GRAMD4: variants seen among roughly 807,000 people sequenced by gnomAD.
GRAMD4 encodes GRAM domain containing 4, also known as GRAM domain-containing protein 4.
Under a neutral mutation model 83.9 loss-of-function variants are expected in GRAMD4, and 25 were observed. The ratio of observed to expected loss-of-function variants is 0.30; its 90% CI spans 0.22 to 0.42. The LOEUF (loss-of-function observed/expected upper bound fraction) is 0.42. Ranked by LOEUF, GRAMD4 falls within the 10% of genes least tolerant of loss-of-function variation. The probability of loss-of-function intolerance (pLI) is 1.00; values close to 1 mark genes in which losing one functional copy is unlikely to be tolerated. For synonymous variants in GRAMD4, 336 were observed against 320.9 expected (o/e 1.05, Z -0.50); for missense variants, 593 against 788.7 (o/e 0.75, Z 2.97).
intron 1 of GRAMD4, among the ~76,000 whole-genome samples, chr22:46,586,074 G>C (rs2081146921): frequency 1.3e-5 from 2 of 151,990 alleles, no homozygotes; most frequent in African/African-American, 4.8e-5. Flanking sequence ...TGTGTCTAAG[G>C]AAGCAGGTGG....
chr22:46,632,941 G>T (rs780148487), intron 2 of GRAMD4, among the ~76,000 whole-genome samples: 4 of 152,210 alleles, frequency 2.6e-5, no homozygotes, highest in Non-Finnish European at 5.9e-5. Context: ...CAGGCCTCTG[G>T]CCCCTTGCCA....
downstream of GRAMD4, among the ~76,000 whole-genome samples, chr22:46,680,733 T>TCCAC (rs2082663097): frequency 3.9e-5 from 3 of 77,266 alleles, no homozygotes; most frequent in African/African-American, 5.6e-5. Flanking sequence ...CACCCATCCA[T>TCCAC]CCACCCACCC....
chr22:46,602,466 C>T (rs965528100), intron 1 of GRAMD4, among the ~76,000 whole-genome samples: 1 of 152,134 alleles, frequency 6.6e-6, no homozygotes, highest in Admixed American at 6.5e-5. Context: ...AGTTCGGGAC[C>T]AGCCTGGGTA....
At chr22:46,658,942 C>T (rs895974427) in intron 4 of GRAMD4, among the ~76,000 whole-genome samples, 1 of 152,112 alleles carries the variant, frequency 6.6e-6, no homozygotes, top group Non-Finnish European at 1.5e-5. Context: ...TCACAGTCTC[C>T]TCCCTCACCC....
intron 1 of GRAMD4, among the ~76,000 whole-genome samples, chr22:46,592,697 C>T (rs970813095): frequency 2.0e-5 from 3 of 152,174 alleles, no homozygotes; most frequent in African/African-American, 7.2e-5. Flanking sequence ...GTGACCAGCT[C>T]TGCAAGGGGC....
Position 46,672,882 on chromosome 22 carries a change from T to C in GRAMD4, c.1124T>C (p.Ile375Thr). 1.2e-6 allele frequency: 2 copies of C among 1,612,888 alleles called. No individual in the cohort carries two copies. The highest frequency in any genetic ancestry group is 1.7e-6 in the Non-Finnish European group (2 of 1,179,670). Reference sequence around the variant, plus strand: ...ATCAAGTTCTTCCTCATTGATTTCATCTTTAAACGCTGCCCGAGGCTGCGC... The same window carrying C: ...ATCAAGTTCTTCCTCATTGATTTCACCTTTAAACGCTGCCCGAGGCTGCGC... ...AGIKFFLIDF[I>T]FKRCPRLRAK... The change falls in exon 14 of 19, where the codon ATC (isoleucine) becomes ACC (threonine). Residue 375 changes from isoleucine to threonine, a missense_variant. Coordinates refer to ENST00000406902, the MANE Select transcript of GRAMD4 (RefSeq NM_015124.5). This position sits in a 1 kb window ranked among gnomAD's most constrained non-coding sequence, Gnocchi z 4.7.
At chr22:46,671,667 A>G (rs1165964394) in intron 13 of GRAMD4, among the ~76,000 whole-genome samples, 1 of 9,068 alleles carries the variant, frequency 1.1e-4, no homozygotes, top group East Asian at 5.3e-4. Context: ...AAAATAAAAT[A>G]AAATAAAATA....
chr22:46,671,529 G>A lies in GRAMD4; in HGVS notation c.1085-1314G>A, dbSNP rs185966087. On this transcript the variant is annotated intron_variant, in intron 13 of 18. Coordinates refer to ENST00000406902, the MANE Select transcript of GRAMD4 (RefSeq NM_015124.5). ...AAATTAGCCAGGCATGGTGGCAGGCGCCTGTAGTCCCAGCTACTCAGGGGG... is the reference window on the plus strand; with the variant it reads ...AAATTAGCCAGGCATGGTGGCAGGCACCTGTAGTCCCAGCTACTCAGGGGG... Among the ~76,000 whole-genome samples, 530 of 151,502 alleles carry A rather than the reference G, an allele frequency of 3.5e-3. 1 individual carries two copies. The highest frequency in any genetic ancestry group is 6.0e-3 in the Non-Finnish European group (407 of 67,920).
At chr22:46,627,576 C>T (rs115315349) in intron 2 of GRAMD4, among the ~76,000 whole-genome samples, 2,118 of 152,290 alleles carry the variant, frequency 0.014, 45 homozygotes, top group African/African-American at 0.047. Flanking sequence ...GGGCAGGGCC[C>T]GAAGCATGGT....
At chr22:46,584,056 C>T (rs980007817) in intron 1 of GRAMD4, among the ~76,000 whole-genome samples, 1 of 152,046 alleles carries the variant, frequency 6.6e-6, no homozygotes, top group Non-Finnish European at 1.5e-5. Context: ...TGCGGAATGC[C>T]ATTATTTTGT....
At chr22:46,633,749 G>A (rs976201874) in intron 2 of GRAMD4, among the ~76,000 whole-genome samples, 3 of 152,214 alleles carry the variant, frequency 2.0e-5, no homozygotes, top group Non-Finnish European at 4.4e-5. Context: ...TGTGGGAAAG[G>A]CAACCCCTAG....
chr22:46,645,978 A>G (rs1601625926), intron 3 of GRAMD4, among the ~76,000 whole-genome samples: 1 of 152,114 alleles, frequency 6.6e-6, no homozygotes, highest in East Asian at 1.9e-4. Flanking sequence ...ACTGTGATGT[A>G]GAATTTGGAT....
chr22:46,619,477 T>C (rs2081544581), upstream of GRAMD4, among the ~76,000 whole-genome samples: 1 of 152,220 alleles, frequency 6.6e-6, no homozygotes, highest in African/African-American at 2.4e-5. Context: ...CAACTGGGAC[T>C]GTAGGCACGT....
intron 3 of GRAMD4, among the ~76,000 whole-genome samples, chr22:46,653,473 G>A (rs1450294218): frequency 6.6e-6 from 1 of 152,186 alleles, no homozygotes; most frequent in Non-Finnish European, 1.5e-5. Flanking sequence ...TTTCACACAG[G>A]CAGGCATGAC....
downstream of GRAMD4, among the ~76,000 whole-genome samples, chr22:46,680,821 TCCA>T (rs2082665276): frequency 2.8e-5 from 2 of 71,030 alleles, no homozygotes; most frequent in African/African-American, 1.9e-4. Context: ...CATCCATCCA[TCCA>T]TCCATCCATC....
At chr22:46,597,812 A>G (rs1377358215) in intron 1 of GRAMD4, among the ~76,000 whole-genome samples, 4 of 152,180 alleles carry the variant, frequency 2.6e-5, no homozygotes, top group Non-Finnish European at 5.9e-5. Flanking sequence ...TAATTAGGAC[A>G]AAAACAAGTA....
chr22:46,625,745 C>A (rs945152684), intron 1 of GRAMD4, among the ~76,000 whole-genome samples: 1 of 152,240 alleles, frequency 6.6e-6, no homozygotes, highest in African/African-American at 2.4e-5. Context: ...CTCTCCCTGC[C>A]TGGCTGGCCC....
At chr22:46,629,181 C>G (rs765514965) in intron 2 of GRAMD4, among the ~76,000 whole-genome samples, 20 of 152,110 alleles carry the variant, frequency 1.3e-4, no homozygotes, top group Non-Finnish European at 2.4e-4. Flanking sequence ...GGGCATCGTG[C>G]TGAATGCAGG....
chr22:46,612,392 G>A (rs1221868248), intron 1 of GRAMD4, among the ~76,000 whole-genome samples: 2 of 152,158 alleles, frequency 1.3e-5, no homozygotes, highest in Non-Finnish European at 2.9e-5. Context: ...TGATGTCCTT[G>A]GCCTGTTGGA....
Sources: gnomAD v4.1 joint callset for allele counts (sites outside exome capture counted in the v4.1 genomes callset) on GRCh38, gnomAD v4.1.1 for gene constraint, Gnocchi (gnomAD v3.1) non-coding constraint, MANE v1.5 for transcripts, NCBI Gene and HGNC (gene_info 2026-07-23, HGNC 2026-07-21) for gene names.